LYPLAL1: variants seen among roughly 807,000 people sequenced by gnomAD.
The protein encoded by LYPLAL1 is lysophospholipase-like protein 1.
LYPLAL1 carries 23 observed loss-of-function variants against 19.7 expected under a neutral mutation model. That is an observed-to-expected ratio of 1.17 (90% CI 0.84 to 1.65). The LOEUF (loss-of-function observed/expected upper bound fraction) is 1.65, where lower values mean the gene tolerates loss of function less well. LYPLAL1 is among the 40% of genes most tolerant of loss of function. The probability of loss-of-function intolerance (pLI) is 0.00; values close to 1 mark genes in which losing one functional copy is unlikely to be tolerated. For synonymous variants in LYPLAL1, 119 were observed against 96.3 expected (o/e 1.24, Z -1.38); for missense variants, 355 against 279.4 (o/e 1.27, Z -1.93).
the LYPLAL1 span, among the ~76,000 whole-genome samples, chr1:219,434,633 A>G: frequency 1.3e-5 from 2 of 152,178 alleles, no homozygotes; most frequent in African/African-American, 4.8e-5. Context: ...CTTTTCCTTC[A>G]GCAATGCTGT....
the LYPLAL1 span, among the ~76,000 whole-genome samples, chr1:219,419,594 C>CACACACACACACACACACACACACAG: frequency 1.0e-5 from 1 of 99,530 alleles, no homozygotes; most frequent in African/African-American, 4.0e-5. Flanking sequence ...CACACACACA[C>CACACACACACACACACACACACACAG]AGAGAGAGAG....
the LYPLAL1 span, among the ~76,000 whole-genome samples, chr1:219,425,831 A>G: frequency 6.6e-6 from 1 of 152,170 alleles, no homozygotes; most frequent in Non-Finnish European, 1.5e-5. Context: ...CTTGAGCTAT[A>G]TGGTGGATTG....
At chr1:219,440,451 G>A in the LYPLAL1 span, among the ~76,000 whole-genome samples, 1 of 152,008 alleles carries the variant, frequency 6.6e-6, no homozygotes. Context: ...GTACCATAGA[G>A]AAAACATAAC....
the LYPLAL1 span, among the ~76,000 whole-genome samples, chr1:219,423,470 A>G: frequency 6.6e-6 from 1 of 152,216 alleles, no homozygotes; most frequent in African/African-American, 2.4e-5. Context: ...GCAAATACCA[A>G]GTACATAAAT....
chr1:219,256,703 T>C, the LYPLAL1 span, among the ~76,000 whole-genome samples: 1 of 152,052 alleles, frequency 6.6e-6, no homozygotes, highest in African/African-American at 2.4e-5. Context: ...CTTTGCAATA[T>C]ATGTTTGTAA....
chr1:219,263,095 G>A, the LYPLAL1 span, among the ~76,000 whole-genome samples: 1 of 152,212 alleles, frequency 6.6e-6, no homozygotes, highest in African/African-American at 2.4e-5. Flanking sequence ...AAGAATTTAT[G>A]TGTTTTGTGT....
intron 3 of LYPLAL1, among the ~76,000 whole-genome samples, chr1:219,207,262 A>G (rs1658650483): frequency 6.6e-6 from 1 of 151,954 alleles, no homozygotes; most frequent in Non-Finnish European, 1.5e-5. Flanking sequence ...CATTTTACTT[A>G]ATTTTGAATT....
At chr1:219,424,158 T>G in the LYPLAL1 span, among the ~76,000 whole-genome samples, 1 of 151,816 alleles carries the variant, frequency 6.6e-6, no homozygotes, top group Non-Finnish European at 1.5e-5. Context: ...TTCTGAAAAT[T>G]TGTGAGGGAA....
the LYPLAL1 span, among the ~76,000 whole-genome samples, chr1:219,434,321 T>C: frequency 2.0e-3 from 303 of 152,340 alleles, 4 homozygotes; most frequent in African/African-American, 6.9e-3. Context: ...CAGATTTAGG[T>C]TGAAGATTTG....
Position 219,193,242 on chromosome 1 carries a change from A to G in LYPLAL1, c.352A>G (p.Ile118Val), listed in dbSNP as rs746434042. ...AAAAAGTGGCATCAAGAAGAACAGG[A>G]TATTAATAGGTAAGACCTTTAAATG... ...EVKSGIKKNRILIGGFSMGGC... is the reference protein window; with the variant it reads ...EVKSGIKKNRVLIGGFSMGGC... The change falls in exon 3 of 5, where the codon ATA becomes GTA. Residue 118 changes from isoleucine (I) to valine (V), a missense_variant. Ile to Val is a conservative substitution (Grantham distance 29). Coordinates refer to ENST00000366928, the MANE Select transcript of LYPLAL1 (RefSeq NM_138794.5). 27 of 1,608,742 alleles carry G rather than the reference A, an allele frequency of 1.7e-5. No homozygotes were observed. The African/African-American group carries it at 2.9e-4, about 18-fold the overall frequency.
the LYPLAL1 span, among the ~76,000 whole-genome samples, chr1:219,364,294 C>T: frequency 1.3e-5 from 2 of 152,122 alleles, no homozygotes; most frequent in African/African-American, 2.4e-5. Context: ...TTAAATGTGT[C>T]GAGTGAGTTG....
the LYPLAL1 span, among the ~76,000 whole-genome samples, chr1:219,293,648 A>G: frequency 1.3e-5 from 2 of 152,260 alleles, no homozygotes; most frequent in African/African-American, 4.8e-5. Flanking sequence ...AACACGAAAC[A>G]GCATTTTTGT....
chr1:219,230,177 A>G, the LYPLAL1 span, among the ~76,000 whole-genome samples: 4,178 of 152,268 alleles, frequency 0.027, 68 homozygotes, highest in Non-Finnish European at 0.041. Context: ...CAGTGGCACA[A>G]TCTCAGCTCA....
At chr1:219,302,252 C>T in the LYPLAL1 span, among the ~76,000 whole-genome samples, 1 of 152,182 alleles carries the variant, frequency 6.6e-6, no homozygotes, top group African/African-American at 2.4e-5. Flanking sequence ...TTCTATCTCT[C>T]TCCATCCATT....
chr1:219,351,949 T>C, the LYPLAL1 span, among the ~76,000 whole-genome samples: 1 of 152,222 alleles, frequency 6.6e-6, no homozygotes, highest in Non-Finnish European at 1.5e-5. Flanking sequence ...TTGTCAGAGA[T>C]TTCAGGGCTT....
chr1:219,384,351 C>T, the LYPLAL1 span, among the ~76,000 whole-genome samples: 2 of 152,240 alleles, frequency 1.3e-5, no homozygotes, highest in East Asian at 3.8e-4. Flanking sequence ...AGAATAACCA[C>T]TTGCAGTTTC....
chr1:219,410,537 C>A, the LYPLAL1 span, among the ~76,000 whole-genome samples: 3 of 152,266 alleles, frequency 2.0e-5, no homozygotes, highest in Admixed American at 1.3e-4. Flanking sequence ...CCTGCCTGGG[C>A]TCCCACTTGG....
chr1:219,288,942 G>A, the LYPLAL1 span, among the ~76,000 whole-genome samples: 1 of 152,102 alleles, frequency 6.6e-6, no homozygotes, highest in African/African-American at 2.4e-5. Flanking sequence ...CATTAGGCAC[G>A]CTCTCATTTA....
the LYPLAL1 span, among the ~76,000 whole-genome samples, chr1:219,379,803 A>G: frequency 0.99 from 151,513 of 152,374 alleles, 75,341 homozygotes; most frequent in Middle Eastern, 1. Context: ...ATTATTTCAT[A>G]CATGTCAGTT....
Sources: allele counts gnomAD v4.1 joint callset (sites outside exome capture counted in the v4.1 genomes callset), GRCh38; gene constraint gnomAD v4.1.1; transcripts MANE v1.5; gene names NCBI Gene and HGNC (gene_info 2026-07-23, HGNC 2026-07-21).